ZNF362: variants seen among roughly 807,000 people sequenced by gnomAD.
ZNF362 encodes rotund homolog.
In ZNF362, 11 loss-of-function variants were observed where a neutral mutation model predicts 42.9. That is an observed-to-expected ratio of 0.26 (90% CI 0.16 to 0.42). The LOEUF (loss-of-function observed/expected upper bound fraction) is 0.42, where lower values mean the gene tolerates loss of function less well. ZNF362 is among the 20% of genes least tolerant of loss of function. The probability of loss-of-function intolerance (pLI) is 1.00; values close to 1 mark genes in which losing one functional copy is unlikely to be tolerated. For missense variants in ZNF362, 362 were observed against 576.2 expected (o/e 0.63, Z 3.81); for synonymous variants, 255 against 257.3 (o/e 0.99, Z 0.09).
At chr1:33,288,961 C>A (rs1024479102) in intron 6 of ZNF362, among the ~76,000 whole-genome samples, 1 of 152,098 alleles carries the variant, frequency 6.6e-6, no homozygotes, top group Non-Finnish European at 1.5e-5. Context: ...CTGGTCCTTC[C>A]TTATCCAACA....
At chr1:33,245,623 C>T in the ZNF362 span, among the ~76,000 whole-genome samples, 1 of 152,090 alleles carries the variant, frequency 6.6e-6, no homozygotes, top group Non-Finnish European at 1.5e-5. Context: ...AACAAAAATC[C>T]AACAGCAAGT....
intron 6 of ZNF362, among the ~76,000 whole-genome samples, chr1:33,293,711 CAG>C (rs921565434): frequency 1.3e-5 from 2 of 152,200 alleles, no homozygotes; most frequent in Non-Finnish European, 2.9e-5. Flanking sequence ...TTTGCCCAAA[CAG>C]ATGCTTGAAG....
At chr1:33,262,665 C>A (rs987951832) in intron 1 of ZNF362, among the ~76,000 whole-genome samples, 1 of 152,078 alleles carries the variant, frequency 6.6e-6, no homozygotes, top group Non-Finnish European at 1.5e-5. Context: ...GGGGCTCTGT[C>A]GGGGGACACC....
the ZNF362 span, among the ~76,000 whole-genome samples, chr1:33,170,221 T>C: frequency 6.6e-5 from 10 of 152,078 alleles, no homozygotes; most frequent in East Asian, 1.9e-3. Context: ...TTCCAGCTAC[T>C]TGGGAGGCTG....
intron 1 of ZNF362, among the ~76,000 whole-genome samples, 153 bp from the exon 2 acceptor site, chr1:33,270,332 ATC>A (rs1248777285): frequency 6.6e-6 from 1 of 152,172 alleles, no homozygotes; most frequent in African/African-American, 2.4e-5. Context: ...AAGTTGGTCA[ATC>A]TCTCTGTGCT....
the ZNF362 span, among the ~76,000 whole-genome samples, chr1:33,246,199 G>A: frequency 2.8e-4 from 42 of 152,164 alleles, no homozygotes; most frequent in Non-Finnish European, 3.4e-4. Context: ...TACTCAAAGG[G>A]GGATTTGATT....
rs1052010754 is a variant in ZNF362, at chr1:33,294,648, C to G, written c.909-289C>G. ...GAGAGGGGCAGCCAAATCAGGCCCT[C>G]TCCGAGGCCTGCACTGGGTTGCTGC... On this transcript the variant is annotated intron_variant, in intron 6 of 8. Coordinates refer to ENST00000539719, the MANE Select transcript of ZNF362 (RefSeq NM_152493.3). This position sits in a 1 kb window ranked among gnomAD's most constrained non-coding sequence, Gnocchi z 4.2. Among the ~76,000 whole-genome samples, 3 of 152,188 alleles carry G rather than the reference C, an allele frequency of 2.0e-5. No homozygotes were observed. The highest frequency in any genetic ancestry group is 4.4e-5 in the Non-Finnish European group (3 of 68,020).
At chr1:33,251,821 G>A (rs1329035691), upstream of ZNF362, among the ~76,000 whole-genome samples, 2 of 152,196 alleles carry the variant, frequency 1.3e-5, no homozygotes, top group South Asian at 2.1e-4. Flanking sequence ...TTCCAGCCTC[G>A]TATGAGACCT....
chr1:33,262,175 C>G (rs1411579602), intron 1 of ZNF362, among the ~76,000 whole-genome samples: 3 of 150,420 alleles, frequency 2.0e-5, no homozygotes, highest in African/African-American at 7.4e-5. Flanking sequence ...AGGGATTTGG[C>G]TCTGGGGCCT....
the ZNF362 span, chr1:33,147,856 TAC>T: frequency 9.6e-7 from 1 of 1,039,736 alleles, no homozygotes; most frequent in South Asian, 1.6e-5. This position sits in a 1 kb window ranked among gnomAD's most constrained non-coding sequence, Gnocchi z 8.1. Flanking sequence ...TGACCTTGAA[TAC>T]AAGTCTGCCC....
chr1:33,269,489 C>G (rs1009544240), intron 1 of ZNF362, among the ~76,000 whole-genome samples: 1 of 152,110 alleles, frequency 6.6e-6, no homozygotes, highest in African/African-American at 2.4e-5. Flanking sequence ...CCTGCTCTCT[C>G]GCATTTGCTT....
the ZNF362 span, among the ~76,000 whole-genome samples, chr1:33,239,502 G>T: frequency 6.6e-6 from 1 of 152,168 alleles, no homozygotes; most frequent in East Asian, 1.9e-4. Flanking sequence ...ATTTATAAAA[G>T]ACAGAAGTTT....
chr1:33,276,252 G>A, intron 3 of ZNF362, 89 bp downstream of exon 3: 5 of 1,587,168 alleles, frequency 3.2e-6, no homozygotes, highest in Non-Finnish European at 4.3e-6. Context: ...GCGGGGAGCG[G>A]GGTGAGGAGC....
chr1:33,212,967 T>C, the ZNF362 span, among the ~76,000 whole-genome samples: 16 of 152,150 alleles, frequency 1.1e-4, no homozygotes, highest in Non-Finnish European at 1.5e-5. Flanking sequence ...CCCAAATCCA[T>C]GGATGAATGA....
chr1:33,176,465 G>A, the ZNF362 span: 1 of 695,264 alleles, frequency 1.4e-6, no homozygotes, highest in Non-Finnish European at 2.6e-6. Context: ...AGGAAGCCTT[G>A]GGAAGGGCTC....
intron 8 of ZNF362, among the ~76,000 whole-genome samples, chr1:33,297,091 C>A (rs1054957025): frequency 6.6e-6 from 1 of 152,076 alleles, no homozygotes; most frequent in Admixed American, 6.5e-5. Flanking sequence ...GAGTCTGTAA[C>A]ATTTATTCTT....
chr1:33,292,012 A>G lies in ZNF362; in HGVS notation c.909-2925A>G, dbSNP rs199705940. 1.0e-3 allele frequency among the ~76,000 whole-genome samples: 152 copies of G among 152,352 alleles called. 2 individuals carry two copies. The East Asian group carries it at 0.019, about 19-fold the overall frequency. On this transcript the variant is annotated intron_variant, in intron 6 of 8. Coordinates refer to ENST00000539719, the MANE Select transcript of ZNF362 (RefSeq NM_152493.3). ...TAGATATACAGTCATGTCATCTGCA[A>G]ACAGGGACAATTTGACTTCCTCTTT... is the stretch of plus-strand genomic sequence containing the variant.
At chr1:33,209,543 C>T in the ZNF362 span, among the ~76,000 whole-genome samples, 7 of 152,146 alleles carry the variant, frequency 4.6e-5, no homozygotes, top group East Asian at 3.9e-4. Context: ...GCTGTGACTC[C>T]GTCTGGTCCT....
chr1:33,170,036 C>T, the ZNF362 span, among the ~76,000 whole-genome samples: 1 of 152,166 alleles, frequency 6.6e-6, no homozygotes, highest in Non-Finnish European at 1.5e-5. Flanking sequence ...TCAATCTCCC[C>T]TACTAGGCCG....
Sources: gnomAD v4.1 joint callset for allele counts (sites outside exome capture counted in the v4.1 genomes callset) on GRCh38, gnomAD v4.1.1 for gene constraint, Gnocchi (gnomAD v3.1) non-coding constraint, MANE v1.5 for transcripts, NCBI Gene and HGNC (gene_info 2026-07-23, HGNC 2026-07-21) for gene names.